LRRC40: variants seen among roughly 807,000 people sequenced by gnomAD.
LRRC40 encodes leucine rich repeat containing 40.
Under a neutral mutation model 72.8 loss-of-function variants are expected in LRRC40, and 76 were observed. The ratio of observed to expected loss-of-function variants is 1.04; its 90% CI spans 0.87 to 1.26. The LOEUF (loss-of-function observed/expected upper bound fraction) is 1.26. Among genes scored for constraint, LRRC40 ranks in the 50% most tolerant of loss-of-function variants. The pLI is 0.00. For synonymous variants in LRRC40, 243 were observed against 254.2 expected, an observed-to-expected ratio of 0.96 and a Z score of 0.42; for missense variants, 684 against 698.9, an observed-to-expected ratio of 0.98 and a Z score of 0.24.
At chr1:70,204,063 A>G (rs1668823568) in intron 1 of LRRC40, among the ~76,000 whole-genome samples, 1 of 152,252 alleles carries the variant, frequency 6.6e-6, no homozygotes, top group Non-Finnish European at 1.5e-5. Context: ...GTTCTAATCC[A>G]TATCATCACG....
rs151110994 is a variant in LRRC40 at position 70,145,857 on chromosome 1, T to C, written c.1752A>G (p.Ile584Met). The C allele has an allele frequency of 5.9e-4, 953 of 1,610,948 alleles. 1 individual carries two copies. Among genetic ancestry groups the C allele is most frequent in the Non-Finnish European group, 6.8e-4 (805 of 1,177,640 alleles). ...GNPFRVPRAA[I>M]LMKGTAAILE... is the part of the protein sequence containing the mutation. ...GTATAGCAGCTGTTCCTTTCATTAATATGGCTGCTCGAGGAACTCGGAATG... is the reference window on the plus strand; with the variant it reads ...GTATAGCAGCTGTTCCTTTCATTAACATGGCTGCTCGAGGAACTCGGAATG... Residue 584 changes from isoleucine (I) to methionine (M), a missense_variant, in exon 15 of 15, where the codon ATA (isoleucine) becomes ATG (methionine). Physicochemically the swap from Ile to Met is conservative, Grantham distance 10 (BLOSUM62 1). Coordinates refer to ENST00000370952, the MANE Select transcript of LRRC40 (RefSeq NM_017768.5).
intron 4 of LRRC40, among the ~76,000 whole-genome samples, chr1:70,184,149 T>C (rs1039377983): frequency 6.6e-6 from 1 of 152,060 alleles, no homozygotes; most frequent in Non-Finnish European, 1.5e-5. Flanking sequence ...CTTGGGAGGC[T>C]GAGGCAGGAG....
intron 1 of LRRC40, 89 bp downstream of exon 1, chr1:70,205,301 G>C (rs950157338): frequency 7.7e-7 from 1 of 1,302,530 alleles, no homozygotes; most frequent in Admixed American, 2.2e-5. Context: ...TGAGAAAGGG[G>C]GCCAAAGCCA....
chr1:70,162,169 T>C (rs1558114261), intron 9 of LRRC40, among the ~76,000 whole-genome samples: 1 of 152,090 alleles, frequency 6.6e-6, no homozygotes, highest in Non-Finnish European at 1.5e-5. Flanking sequence ...AAGTGAACCA[T>C]CATTTTCTGA....
intron 11 of LRRC40, among the ~76,000 whole-genome samples, chr1:70,155,156 T>C (rs1260856135): frequency 6.6e-6 from 1 of 152,148 alleles, no homozygotes; most frequent in Non-Finnish European, 1.5e-5. Context: ...TATTTAACAG[T>C]ACAATGTATA....
intron 4 of LRRC40, among the ~76,000 whole-genome samples, 182 bp downstream of exon 4, chr1:70,184,603 C>G (rs1445089308): frequency 6.6e-6 from 1 of 152,158 alleles, no homozygotes; most frequent in East Asian, 1.9e-4. Flanking sequence ...TTTCATAATA[C>G]AGGAAAACCA....
chr1:70,178,019 T>C (rs1330086003), intron 6 of LRRC40, among the ~76,000 whole-genome samples: 2 of 152,230 alleles, frequency 1.3e-5, no homozygotes, highest in African/African-American at 4.8e-5. Flanking sequence ...CTTACTTTAT[T>C]GTAAGAACAT....
At chr1:70,159,561 C>A in intron 9 of LRRC40, 123 bp from the exon 10 acceptor site, 1 of 439,440 alleles carries the variant, frequency 2.3e-6, no homozygotes, top group South Asian at 7.4e-5. Context: ...TGCCTTTAGT[C>A]ATATGCTTTA....
At position 70,196,893 on chromosome 1, in the gene LRRC40, T is replaced by C. The variant is rs1011982492; in HGVS notation, c.152-7620A>G. Among the ~76,000 whole-genome samples, 5 of 152,192 alleles carry C rather than the reference T, an allele frequency of 3.3e-5. No homozygotes were observed. In the East Asian group the frequency reaches 5.8e-4, roughly 18 times the overall value. ...GATGCAACATACTCTTTGTAAATGA[T>C]ACTTCAATAAAGTTAACCCCAAAAA... is the stretch of plus-strand genomic sequence containing the variant. On this transcript the variant is annotated intron_variant, in intron 1 of 14. Transcript: ENST00000370952.
intron 1 of LRRC40, among the ~76,000 whole-genome samples, chr1:70,192,095 C>T (rs1033788542): frequency 6.6e-6 from 1 of 152,110 alleles, no homozygotes; most frequent in Admixed American, 6.5e-5. Context: ...TTATTCCTAT[C>T]CATGAGCATA....
chr1:70,175,205 T>C (rs1451751188), intron 7 of LRRC40, among the ~76,000 whole-genome samples: 1 of 152,152 alleles, frequency 6.6e-6, no homozygotes, highest in Non-Finnish European at 1.5e-5. Context: ...AGATGACAAA[T>C]GATAAATTAA....
At chr1:70,203,835 A>C (rs1357663055) in intron 1 of LRRC40, among the ~76,000 whole-genome samples, 1 of 152,068 alleles carries the variant, frequency 6.6e-6, no homozygotes, top group Non-Finnish European at 1.5e-5. Context: ...AGTTTCACTA[A>C]CAAGTGATGA....
At chr1:70,156,959 C>T (rs1237681196) in intron 10 of LRRC40, among the ~76,000 whole-genome samples, 2 of 152,130 alleles carry the variant, frequency 1.3e-5, no homozygotes, top group African/African-American at 2.4e-5. Context: ...CTATATAGAA[C>T]TCTAACATTT....
At position 70,204,732 on chromosome 1, in the gene LRRC40, T is replaced by TACACACACAC. The variant is rs3219841; in HGVS notation, c.151+648_151+657dup. 4.5e-3 allele frequency among the ~76,000 whole-genome samples: 650 copies of TACACACACAC among 145,272 alleles called. 10 individuals are homozygous for TACACACACAC. The highest frequency in any genetic ancestry group is 0.022 in the East Asian group (110 of 4,910). On this transcript the variant is annotated intron_variant, in intron 1 of 14. Coordinates refer to ENST00000370952, the MANE Select transcript of LRRC40 (RefSeq NM_017768.5). ...TCTCCATTCCCCTCCCTCTCTCTCTTACACACACACACACACACACACACA... is the reference window on the plus strand; with the variant it reads ...TCTCCATTCCCCTCCCTCTCTCTCTTACACACACACACACACACACACACACACACACACA...
intron 5 of LRRC40, chr1:70,180,257 G>A (rs1251988915): frequency 1.3e-5 from 2 of 152,172 alleles, no homozygotes; most frequent in African/African-American, 2.4e-5. Flanking sequence ...ACCTGGGTTG[G>A]TTCACCCCTC....
chr1:70,169,417 C>T (rs1444668902), intron 9 of LRRC40, among the ~76,000 whole-genome samples: 1 of 151,700 alleles, frequency 6.6e-6, no homozygotes, highest in Non-Finnish European at 1.5e-5. Context: ...GCAATAGAAA[C>T]CTAAACCAAT....
chr1:70,197,374 T>G (rs1402878973), intron 1 of LRRC40, among the ~76,000 whole-genome samples: 1 of 152,024 alleles, frequency 6.6e-6, no homozygotes, highest in Non-Finnish European at 1.5e-5. Context: ...AACTCATGGC[T>G]TCAGGAGATC....
At position 70,205,567 on chromosome 1, in the gene LRRC40, C is replaced by G; in HGVS notation, c.-27G>C. 1 of 1,564,598 alleles carries G rather than the reference C, an allele frequency of 6.4e-7. No individual in the cohort carries two copies. The highest frequency in any genetic ancestry group is 8.7e-7 in the Non-Finnish European group (1 of 1,143,784). ...TTCAAAGTCCTAGGTCCAGAAGCTG[C>G]AGCCCCACCCGTGACGCTTAAAGGT... On this transcript the variant is annotated 5_prime_UTR_variant, in exon 1 of 15. Coordinates refer to ENST00000370952, the MANE Select transcript of LRRC40 (RefSeq NM_017768.5).
chr1:70,156,493 A>G (rs1162301404), intron 10 of LRRC40, among the ~76,000 whole-genome samples: 2 of 152,172 alleles, frequency 1.3e-5, no homozygotes, highest in Non-Finnish European at 2.9e-5. Context: ...CATGTTTTCA[A>G]ATGTAAATAT....
Sources: gnomAD v4.1 joint callset for allele counts (sites outside exome capture counted in the v4.1 genomes callset) on GRCh38, gnomAD v4.1.1 for gene constraint, MANE v1.5 for transcripts, NCBI Gene and HGNC (gene_info 2026-07-23, HGNC 2026-07-21) for gene names.